STXBP2: variants seen among roughly 807,000 people sequenced by gnomAD.
STXBP2 encodes the protein syntaxin-binding protein 2.
STXBP2 carries 47 observed loss-of-function variants against 72.2 expected under a neutral mutation model. The observed-to-expected ratio is 0.65, with a 90% CI of 0.51 to 0.83. STXBP2 has a LOEUF of 0.83. Ranked by LOEUF, STXBP2 falls within the 40% of genes least tolerant of loss-of-function variation. The probability of loss-of-function intolerance (pLI) is 0.00; values close to 1 mark genes in which losing one functional copy is unlikely to be tolerated. For synonymous variants in STXBP2, 367 were observed against 338.7 expected (o/e 1.08, Z -0.92); for missense variants, 702 against 807.6 (o/e 0.87, Z 1.58).
the STXBP2 span, chr19:7,631,833 G>C: frequency 1.4e-6 from 2 of 1,384,558 alleles, no homozygotes; most frequent in Non-Finnish European, 1.9e-6. Context: ...GGGTCAGCCA[G>C]GGGGAGGGCT....
At chr19:7,630,794 C>CGTGTCCCATTT in the STXBP2 span, 2 of 1,537,208 alleles carry the variant, frequency 1.3e-6, no homozygotes, top group Non-Finnish European at 1.7e-6. Context: ...GCCTTTGGCT[C>CGTGTCCCATTT]GTGTCCCATT....
chr19:7,640,450 ATG>A (rs2031806578), intron 4 of STXBP2: 1 of 618,058 alleles, frequency 1.6e-6, no homozygotes, highest in Admixed American at 2.3e-5. Context: ...GCATGTGTGT[ATG>A]TATGTGTGTG....
At chr19:7,641,045 G>C (rs1223335515) in intron 6 of STXBP2, 42 bp downstream of exon 6, 1 of 1,597,090 alleles carries the variant, frequency 6.3e-7, no homozygotes, top group Non-Finnish European at 8.6e-7. Flanking sequence ...GGGGGTTTGT[G>C]ACCAAATGTC....
chr19:7,647,491 G>T lies in STXBP2; in HGVS notation c.1676G>T (p.Gly559Val), dbSNP rs552459149. 6.2e-7 allele frequency: 1 copy of T among 1,603,556 alleles called. No individual in the cohort carries two copies. Among genetic ancestry groups the T allele is most frequent in the South Asian group, 1.1e-5 (1 of 90,004 alleles). ...TACGAGGTGACCAGGGCCACCGAGG[G>T]CAAGTGGGAGGTGCTCATTGGTAAG... ...AAYEVTRATE[G>V]KWEVLIGSSH... is the part of the protein sequence containing the mutation. Residue 559 changes from glycine (G) to valine (V), a missense_variant, in exon 18 of 19, where the codon GGC becomes GTC. By Grantham distance (109) the Gly-to-Val change is moderately radical. Transcript: ENST00000221283.
At chr19:7,637,099 G>T (rs1251425990), upstream of STXBP2, 1 of 1,235,752 alleles carries the variant, frequency 8.1e-7, no homozygotes. Flanking sequence ...GCGGGGCCAC[G>T]CCCCCACCTT....
chr19:7,631,127 G>C, the STXBP2 span: 3 of 824,046 alleles, frequency 3.6e-6, no homozygotes, highest in Admixed American at 9.0e-5. Flanking sequence ...AGAATCACTT[G>C]AACCCAGGAG....
At position 7,641,769 on chromosome 19, in the gene STXBP2, G is replaced by A. The variant is rs747969201; in HGVS notation, c.494G>A (p.Arg165His). 79 of 1,552,072 alleles carry A rather than the reference G, an allele frequency of 5.1e-5. No individual in the cohort carries two copies. Among genetic ancestry groups the A allele is most frequent in the African/African-American group, 2.9e-4 (21 of 73,214 alleles). ...TACTGCCCCTTCCGGGCAGAGGAGCGCACGCGGCAGCTCGAGGTGCTGGCC... is the reference window on the plus strand; with the variant it reads ...TACTGCCCCTTCCGGGCAGAGGAGCACACGCGGCAGCTCGAGGTGCTGGCC... ...NLYCPFRAEERTRQLEVLAQQ... is the reference protein window; with the variant it reads ...NLYCPFRAEEHTRQLEVLAQQ... Residue 165 changes from arginine (R) to histidine (H), a missense_variant, in exon 7 of 19, where the codon CGC becomes CAC. By Grantham distance (29) the Arg-to-His change is conservative. Coordinates refer to ENST00000221283, the MANE Select transcript of STXBP2 (RefSeq NM_006949.4).
intron 15 of STXBP2, chr19:7,645,946 C>T: frequency 2.0e-6 from 1 of 503,216 alleles, no homozygotes; most frequent in South Asian, 2.4e-5. Context: ...TGCTTCATCT[C>T]TTGTCTCTCT....
chr19:7,630,930 C>T, the STXBP2 span: 20 of 1,497,842 alleles, frequency 1.3e-5, no homozygotes, highest in Non-Finnish European at 1.8e-5. Flanking sequence ...AAATTTTAGG[C>T]CAGGCGCAGT....
chr19:7,631,654 T>G, the STXBP2 span: 17 of 1,455,056 alleles, frequency 1.2e-5, no homozygotes, highest in Middle Eastern at 1.8e-4. Flanking sequence ...TATCAGTTTT[T>G]GGGGGCCGAG....
the STXBP2 span, chr19:7,630,840 T>A: frequency 3.3e-6 from 5 of 1,537,250 alleles, no homozygotes; most frequent in South Asian, 1.2e-5. Context: ...TGTGGCCACC[T>A]GAGAAGGTAA....
chr19:7,643,216 T>C lies in STXBP2; in HGVS notation c.1078T>C (p.Ser360Pro), dbSNP rs1222609683. 1 of 1,613,774 alleles carries C rather than the reference T, an allele frequency of 6.2e-7. No homozygotes were observed. The highest frequency in any genetic ancestry group is 8.5e-7 in the Non-Finnish European group (1 of 1,180,034). Residue 360 changes from serine to proline, a missense_variant, in exon 13 of 19, where the codon TCG becomes CCG. Coordinates refer to ENST00000221283, the MANE Select transcript of STXBP2 (RefSeq NM_006949.4). Reference sequence around the variant, plus strand: ...TGATTGTATGAAGCACTTCAAGGGCTCGGTGGAGAAGCTGTGTAGTGTGGA... The same window carrying C: ...TGATTGTATGAAGCACTTCAAGGGCCCGGTGGAGAAGCTGTGTAGTGTGGA... ...ADDCMKHFKG[S>P]VEKLCSVEQD...
Position 7,647,436 on chromosome 19 carries a change from G to T in STXBP2, c.1621G>T (p.Gly541Cys), listed in dbSNP as rs61736587. Reference sequence around the variant, plus strand: ...CCGGCTCATCGTGTATGTCATGGGCGGTGTGGCCATGTCAGAGATGAGGGC... The same window carrying T: ...CCGGCTCATCGTGTATGTCATGGGCTGTGTGGCCATGTCAGAGATGAGGGC... ...GPRLIVYVMG[G>C]VAMSEMRAAY... is the part of the protein sequence containing the mutation. The change falls in exon 18 of 19, where the codon GGT (glycine) becomes TGT (cysteine). Residue 541 changes from glycine to cysteine, a missense_variant. Physicochemically the swap from Gly to Cys is radical, Grantham distance 159. Coordinates refer to ENST00000221283, the MANE Select transcript of STXBP2 (RefSeq NM_006949.4). 1.9e-6 allele frequency: 3 copies of T among 1,613,348 alleles called. No individual in the cohort carries two copies. Among genetic ancestry groups the T allele is most frequent in the Non-Finnish European group, 2.5e-6 (3 of 1,179,886 alleles).
At chr19:7,646,779 G>A (rs2032154752) in intron 16 of STXBP2, 1 of 403,676 alleles carries the variant, frequency 2.5e-6, no homozygotes, top group South Asian at 2.6e-5. Context: ...CATCCCCATG[G>A]ACCTTGAATA....
the STXBP2 span, chr19:7,631,160 G>T: frequency 1.8e-6 from 2 of 1,094,526 alleles, no homozygotes; most frequent in East Asian, 5.6e-5. Context: ...GTGAGCCCAA[G>T]ATCACGCCAC....
the STXBP2 span, chr19:7,631,591 TG>T: frequency 5.3e-6 from 8 of 1,518,598 alleles, no homozygotes; most frequent in Non-Finnish European, 5.3e-6. Flanking sequence ...CCTCCCCTGA[TG>T]AAATATACAT....
chr19:7,631,030 G>A, the STXBP2 span: 116 of 810,124 alleles, frequency 1.4e-4, no homozygotes, highest in Admixed American at 1.3e-3. Flanking sequence ...CCAACATGGC[G>A]AAACCCCATG....
chr19:7,647,292 G>A lies in STXBP2; in HGVS notation c.1538+45G>A, dbSNP rs112999994. On this transcript the variant is annotated intron_variant, in intron 17 of 18. Coordinates refer to ENST00000221283, the MANE Select transcript of STXBP2 (RefSeq NM_006949.4). ...CCCGCCCACGCCTGGGTCTGTGTTA[G>A]GTGGGCGGCCTGGCGGCGGTGAGGG... The A allele has an allele frequency of 6.2e-6, 10 of 1,611,486 alleles. 1 individual carries two copies. In the African/African-American group the frequency reaches 8.0e-5, roughly 13 times the overall value.
chr19:7,640,805 C>T lies in STXBP2; in HGVS notation c.321C>T (p.Thr107=), dbSNP rs886054703. ...ACAAAGCGGCCCATATCTTCTTCACCGACAGTGAGTGAGGAGAGCCTAGGG... is the reference window on the plus strand; with the variant it reads ...ACAAAGCGGCCCATATCTTCTTCACTGACAGTGAGTGAGGAGAGCCTAGGG... ...FTYKAAHIFF[T]DTCPEPLFSE... is the part of the protein sequence containing the mutation. The change falls in exon 5 of 19, where the codon ACC becomes ACT. Residue 107 remains threonine (T), a synonymous_variant. Transcript: ENST00000221283. 44 of 1,614,034 alleles carry T rather than the reference C, an allele frequency of 2.7e-5. No individual in the cohort carries two copies. The highest frequency in any genetic ancestry group is 3.4e-5 in the Non-Finnish European group (40 of 1,180,018).
Sources: allele counts gnomAD v4.1 joint callset, GRCh38; gene constraint gnomAD v4.1.1; transcripts MANE v1.5; gene names NCBI Gene and HGNC (gene_info 2026-07-23, HGNC 2026-07-21).